LIN28B: variants seen among roughly 807,000 people sequenced by gnomAD.
The protein encoded by LIN28B is protein lin-28 homolog B.
A neutral mutation model predicts 21.9 loss-of-function variants in LIN28B; 5 were observed. The observed-to-expected ratio is 0.23, with a 90% CI of 0.12 to 0.48. The LOEUF (loss-of-function observed/expected upper bound fraction) is 0.48, where lower values mean the gene tolerates loss of function less well. Among genes scored for constraint, LIN28B ranks in the 20% least tolerant of loss-of-function variants. The probability of loss-of-function intolerance (pLI) is 0.98; values close to 1 mark genes in which losing one functional copy is unlikely to be tolerated. For synonymous variants in LIN28B, 109 were observed against 111.3 expected (o/e 0.98, Z 0.13); for missense variants, 245 against 310.5 (o/e 0.79, Z 1.58).
intron 3 of LIN28B, among the ~76,000 whole-genome samples, chr6:105,063,510 C>A (rs1282634974): frequency 6.6e-6 from 1 of 151,932 alleles, no homozygotes; most frequent in Admixed American, 6.6e-5. Context: ...GTGGCGCATG[C>A]CTGTAGTCCC....
At chr6:104,949,142 G>A (rs1322769749) in intron 2 of LIN28B, among the ~76,000 whole-genome samples, 1 of 151,990 alleles carries the variant, frequency 6.6e-6, no homozygotes. Context: ...AGAATAGGCT[G>A]TGGACTATTA....
At chr6:105,073,216 A>G (rs2114419334) in intron 3 of LIN28B, among the ~76,000 whole-genome samples, 1 of 152,320 alleles carries the variant, frequency 6.6e-6, no homozygotes, top group Non-Finnish European at 1.5e-5. Context: ...ACTAGAATAA[A>G]AAATAATAGA....
intron 2 of LIN28B, among the ~76,000 whole-genome samples, chr6:105,005,613 C>T (rs1770802153): frequency 6.6e-6 from 1 of 152,156 alleles, no homozygotes. Flanking sequence ...GGCTCTCTCT[C>T]TCTCTCTCTG....
intron 3 of LIN28B, among the ~76,000 whole-genome samples, chr6:105,053,714 CGTGTGTGTGT>C (rs59369365): frequency 3.4e-5 from 5 of 147,274 alleles, no homozygotes; most frequent in Admixed American, 1.3e-4. Context: ...TGTGTGGGTG[CGTGTGTGTGT>C]GTGTGTGTGT....
intron 3 of LIN28B, among the ~76,000 whole-genome samples, chr6:105,028,547 A>C (rs1178815990): frequency 2.6e-5 from 4 of 152,166 alleles, no homozygotes; most frequent in Admixed American, 2.6e-4. Flanking sequence ...TGATGGATTG[A>C]TTAGATTTGG....
intron 3 of LIN28B, among the ~76,000 whole-genome samples, chr6:105,030,463 T>C (rs1264842602): frequency 6.6e-6 from 1 of 152,192 alleles, no homozygotes; most frequent in Non-Finnish European, 1.5e-5. Flanking sequence ...AGTACAATTA[T>C]GTGAAGCAGC....
At chr6:105,043,195 G>A (rs1432768414) in intron 3 of LIN28B, among the ~76,000 whole-genome samples, 1 of 152,044 alleles carries the variant, frequency 6.6e-6, no homozygotes, top group African/African-American at 2.4e-5. Context: ...GGGAGGCTGA[G>A]GCAGGTGGAT....
At chr6:104,947,939 A>G (rs550003036) in intron 2 of LIN28B, among the ~76,000 whole-genome samples, 41 of 152,258 alleles carry the variant, frequency 2.7e-4, no homozygotes, top group South Asian at 1.5e-3. Context: ...TTCAGTTGGG[A>G]GAGAGAACAT....
At chr6:104,979,383 T>C (rs1053479682) in intron 2 of LIN28B, among the ~76,000 whole-genome samples, 1 of 152,062 alleles carries the variant, frequency 6.6e-6, no homozygotes, top group Non-Finnish European at 1.5e-5. Context: ...AATTTTTGTA[T>C]TTTTAGTAGA....
intron 2 of LIN28B, among the ~76,000 whole-genome samples, chr6:104,978,771 A>G (rs1473530070): frequency 6.6e-6 from 1 of 152,170 alleles, no homozygotes; most frequent in African/African-American, 2.4e-5. Flanking sequence ...TATATCCAAC[A>G]TCCATTTCTT....
intron 2 of LIN28B, among the ~76,000 whole-genome samples, chr6:104,961,883 A>G (rs1769746426): frequency 6.6e-6 from 1 of 152,198 alleles, no homozygotes; most frequent in South Asian, 2.1e-4. Context: ...AGTTTTTAAT[A>G]AGACTTAAAT....
At chr6:104,992,148 G>A (rs1342726671) in intron 2 of LIN28B, among the ~76,000 whole-genome samples, 1 of 151,288 alleles carries the variant, frequency 6.6e-6, no homozygotes, top group Non-Finnish European at 1.5e-5. Context: ...CGTAACCTCC[G>A]CCTTTGGGTT....
intron 2 of LIN28B, among the ~76,000 whole-genome samples, chr6:104,992,125 G>T (rs1004132183): frequency 6.6e-6 from 1 of 151,714 alleles, no homozygotes; most frequent in Non-Finnish European, 1.5e-5. Context: ...GAGTTCATGC[G>T]ATCTCGGCTC....
chr6:105,028,071 C>T (rs555266614), intron 3 of LIN28B, among the ~76,000 whole-genome samples: 4 of 152,210 alleles, frequency 2.6e-5, no homozygotes, highest in African/African-American at 4.8e-5. Flanking sequence ...TACTTAAATA[C>T]GTACAAGTAA....
At chr6:104,963,928 G>A (rs1046275379) in intron 2 of LIN28B, among the ~76,000 whole-genome samples, 4 of 152,140 alleles carry the variant, frequency 2.6e-5, no homozygotes, top group African/African-American at 9.7e-5. Flanking sequence ...ACCTTTTAAA[G>A]CATGTCTTTA....
intron 2 of LIN28B, among the ~76,000 whole-genome samples, chr6:105,012,475 A>C (rs572169224): frequency 1.6e-4 from 24 of 152,020 alleles, no homozygotes; most frequent in Admixed American, 6.6e-4. Flanking sequence ...TCTCCAAAAA[A>C]AAAAACAAAA....
chr6:104,995,095 A>G (rs1162783473), intron 2 of LIN28B, among the ~76,000 whole-genome samples: 1 of 152,220 alleles, frequency 6.6e-6, no homozygotes, highest in East Asian at 1.9e-4. Flanking sequence ...AAAATCCCAG[A>G]AATGTCCAAA....
chr6:105,011,638 T>C (rs1312119179), intron 2 of LIN28B, among the ~76,000 whole-genome samples: 4 of 147,136 alleles, frequency 2.7e-5, no homozygotes, highest in African/African-American at 1.0e-4. Context: ...TCACCTGAGG[T>C]CAGGAGTTCA....
chr6:104,993,041 AT>A (rs1010088485), intron 2 of LIN28B, among the ~76,000 whole-genome samples: 2 of 151,850 alleles, frequency 1.3e-5, no homozygotes, highest in African/African-American at 4.8e-5. Flanking sequence ...TGCCTTTTGT[AT>A]TTTGTTTCAG....
Sources: gnomAD v4.1 joint callset for allele counts (sites outside exome capture counted in the v4.1 genomes callset) on GRCh38, gnomAD v4.1.1 for gene constraint, MANE v1.5 for transcripts, NCBI Gene and HGNC (gene_info 2026-07-23, HGNC 2026-07-21) for gene names.